The following ITGAM variants were observed in gnomAD, a reference collection of about 807,000 sequenced individuals.
ITGAM encodes integrin alpha-M.
ITGAM carries 79 observed loss-of-function variants against 137.5 expected under a neutral mutation model. That is an observed-to-expected ratio of 0.57 (90% CI 0.48 to 0.69). The LOEUF is 0.69. Among genes scored for constraint, ITGAM ranks in the 30% least tolerant of loss-of-function variants. ITGAM has a pLI of 0.00. For synonymous variants in ITGAM, 583 were observed against 592.3 expected (o/e 0.98, Z 0.23); for missense variants, 1,343 against 1,483.5 (o/e 0.91, Z 1.56).
At chr16:31,327,873 C>T (rs768362971) in intron 22 of ITGAM, among the ~76,000 whole-genome samples, 13 of 152,016 alleles carry the variant, frequency 8.6e-5, no homozygotes, top group Non-Finnish European at 1.6e-4. Flanking sequence ...ATCATATTTG[C>T]ATGTTAGAAC....
At chr16:31,292,831 A>G (rs2080100087) in intron 12 of ITGAM, among the ~76,000 whole-genome samples, 1 of 152,084 alleles carries the variant, frequency 6.6e-6, no homozygotes, top group Non-Finnish European at 1.5e-5. Context: ...CTCTTTGAGG[A>G]GTTGCCATAC....
chr16:31,329,076 C>CCCCCCCCCCCCCCCCCCCCCCCCCT, intron 23 of ITGAM, 152 bp from the exon 24 acceptor site: 1 of 442,008 alleles, frequency 2.3e-6, no homozygotes. Flanking sequence ...CATTGGTTCC[C>CCCCCCCCCCCCCCCCCCCCCCCCCT]CCATCCCCCT....
chr16:31,318,948 T>TC (rs2080420121), intron 14 of ITGAM, among the ~76,000 whole-genome samples: 2 of 152,322 alleles, frequency 1.3e-5, no homozygotes, highest in Non-Finnish European at 2.9e-5. Flanking sequence ...TTTTCTAATT[T>TC]ATTTTTTTAT....
chr16:31,291,934 A>G (rs911303627), intron 12 of ITGAM, among the ~76,000 whole-genome samples: 3 of 152,116 alleles, frequency 2.0e-5, no homozygotes, highest in African/African-American at 7.2e-5. Flanking sequence ...AACTACAGGA[A>G]TGGAATTGGA....
chr16:31,306,010 T>A (rs2080261112), intron 14 of ITGAM, among the ~76,000 whole-genome samples: 1 of 152,202 alleles, frequency 6.6e-6, no homozygotes, highest in African/African-American at 2.4e-5. Flanking sequence ...CCTCTTTCTC[T>A]ATCTTTTGGA....
chr16:31,279,135 C>T (rs184486568), intron 12 of ITGAM, among the ~76,000 whole-genome samples: 4 of 152,266 alleles, frequency 2.6e-5, no homozygotes, highest in African/African-American at 4.8e-5. Context: ...TCCAGTCTAT[C>T]GTTGATGGAC....
At chr16:31,285,332 A>G (rs993814805) in intron 12 of ITGAM, among the ~76,000 whole-genome samples, 1 of 152,156 alleles carries the variant, frequency 6.6e-6, no homozygotes, top group Admixed American at 6.6e-5. Flanking sequence ...GGAGGCAGAA[A>G]TTGGGCATAA....
chr16:31,269,038 G>A (rs1194127374), intron 5 of ITGAM, among the ~76,000 whole-genome samples: 2 of 152,106 alleles, frequency 1.3e-5, no homozygotes, highest in Non-Finnish European at 2.9e-5. Flanking sequence ...CAGTCTCCTC[G>A]AGCATTTGGG....
intron 22 of ITGAM, 108 bp downstream of exon 22, chr16:31,327,043 T>A (rs2080515832): frequency 2.4e-6 from 2 of 850,366 alleles, no homozygotes; most frequent in East Asian, 2.4e-5. Flanking sequence ...TTCAACTCAT[T>A]TGTTCACTCA....
chr16:31,311,596 C>T (rs2080332280), intron 14 of ITGAM, among the ~76,000 whole-genome samples: 1 of 152,180 alleles, frequency 6.6e-6, no homozygotes, highest in Admixed American at 6.5e-5. Context: ...TACCATCTCA[C>T]ACCAGTTAGA....
In ITGAM at chr16:31,329,866, G is replaced by T. The variant is rs1004992009; in HGVS notation, c.2937G>T (p.Gln979His). 1.9e-6 allele frequency: 3 copies of T among 1,564,840 alleles called. No individual in the cohort carries two copies. Among genetic ancestry groups the T allele is most frequent in the Non-Finnish European group, 2.6e-6 (3 of 1,154,690 alleles). Residue 979 changes from glutamine to histidine, a missense_variant, in exon 25 of 30, where the codon CAG (glutamine) becomes CAT (histidine). Coordinates refer to ENST00000544665, the MANE Select transcript of ITGAM (RefSeq NM_000632.4). ...LVFLVPVRLN[Q>H]TVIWDRPQVT... ...TCTTGGTGCCCGTCCGGCTGAACCA[G>T]ACTGTCATATGGGACCGCCCCCAGG...
intron 28 of ITGAM, 135 bp downstream of exon 28, chr16:31,330,740 A>G (rs762179694): frequency 4.6e-6 from 3 of 649,522 alleles, no homozygotes; most frequent in Non-Finnish European, 7.9e-6. Flanking sequence ...AGAGATACAG[A>G]GACGTAAGGA....
At chr16:31,288,066 T>A (rs2080047911) in intron 12 of ITGAM, among the ~76,000 whole-genome samples, 1 of 151,842 alleles carries the variant, frequency 6.6e-6, no homozygotes, top group Non-Finnish European at 1.5e-5. Context: ...GCCTTCCTGG[T>A]GGAAGTGGCA....
chr16:31,276,804 G>A (rs958077122), intron 10 of ITGAM, 60 bp downstream of exon 10: 7 of 1,562,382 alleles, frequency 4.5e-6, no homozygotes, highest in Non-Finnish European at 6.1e-6. Context: ...AGAGATAGGA[G>A]AGATGTGGGG....
In ITGAM at chr16:31,330,396, A is replaced by T; in HGVS notation, c.3149A>T (p.Asn1050Ile). 1 of 1,613,782 alleles carries T rather than the reference A, an allele frequency of 6.2e-7. No individual in the cohort carries two copies. The highest frequency in any genetic ancestry group is 1.1e-5 in the South Asian group (1 of 91,074). ...GAATTCAATGCTACCCTCAAAGGCA[A>T]CCTCTCGTTTGACTGGTACATCAAG... The part of the protein sequence containing the change: ...QEEFNATLKG[N>I]LSFDWYIKTS... Residue 1050 changes from asparagine to isoleucine, a missense_variant, in exon 27 of 30, where the codon AAC (asparagine) becomes ATC (isoleucine). Physicochemically the swap from Asn to Ile is moderately radical, Grantham distance 149. Coordinates refer to ENST00000544665, the MANE Select transcript of ITGAM (RefSeq NM_000632.4).
At chr16:31,297,387 C>T (rs2080144780) in intron 12 of ITGAM, 127 bp from the exon 13 acceptor site, 1 of 1,217,802 alleles carries the variant, frequency 8.2e-7, no homozygotes, top group Non-Finnish European at 1.2e-6. Flanking sequence ...TATCATGAAC[C>T]ATATAGAAGA....
chr16:31,297,826 C>G lies in ITGAM; in HGVS notation c.1579C>G (p.Leu527Val). Residue 527 changes from leucine to valine, a missense_variant, in exon 14 of 30, where the codon CTG (leucine) becomes GTG (valine). By Grantham distance (32) the Leu-to-Val change is conservative. Transcript: ENST00000544665. ...WGRFGAALTV[L>V]GDVNGDKLTD... The stretch of plus-strand genomic sequence containing the variant: ...CCGCTTTGGGGCAGCCCTAACAGTG[C>G]TGGGGGACGTAAATGGGGACAAGCT... The G allele has an allele frequency of 6.2e-7, 1 of 1,613,620 alleles. No individual in the cohort carries two copies. The highest frequency in any genetic ancestry group is 8.5e-7 in the Non-Finnish European group (1 of 1,179,800).
At position 31,324,731 on chromosome 16, in the gene ITGAM, G is replaced by A. The variant is rs367781482; in HGVS notation, c.2238G>A (p.Gly746=). 4.4e-6 allele frequency: 7 copies of A among 1,597,370 alleles called. No homozygotes were observed. The African/African-American group carries it at 5.4e-5, about 12-fold the overall frequency. Residue 746 remains glycine (G), a synonymous_variant, in exon 18 of 30, where the codon GGG becomes GGA. Transcript: ENST00000544665. The surrounding 1 kb of genome is among the most constrained non-coding windows in gnomAD (Gnocchi z 4.5). ...SLVGTPLSAF[G]NLRPVLAEDA... ...TGGGAACGCCATTGTCTGCTTTCGG[G>A]AACCTCCGGCCAGTGCTGGCGGAGG...
At chr16:31,284,153 C>T (rs1370572592) in intron 12 of ITGAM, among the ~76,000 whole-genome samples, 1 of 152,146 alleles carries the variant, frequency 6.6e-6, no homozygotes, top group Non-Finnish European at 1.5e-5. Flanking sequence ...GAGGTGCCCC[C>T]CAGTTAGGCT....
Sources: gnomAD v4.1 joint callset for allele counts (sites outside exome capture counted in the v4.1 genomes callset) on GRCh38, gnomAD v4.1.1 for gene constraint, Gnocchi (gnomAD v3.1) non-coding constraint, MANE v1.5 for transcripts, NCBI Gene and HGNC (gene_info 2026-07-23, HGNC 2026-07-21) for gene names.